Variants in HEATR6 observed in about 807,000 individuals in gnomAD.
HEATR6 encodes the protein HEAT repeat containing 6.
A neutral mutation model predicts 132.8 loss-of-function variants in HEATR6; 106 were observed. The ratio of observed to expected loss-of-function variants is 0.80; its 90% CI spans 0.68 to 0.94. The LOEUF is 0.94. Among genes scored for constraint, HEATR6 ranks in the 40% least tolerant of loss-of-function variants. The pLI is 0.00. For missense variants in HEATR6, 1,339 were observed against 1,425.1 expected, an observed-to-expected ratio of 0.94 and a Z score of 0.97; for synonymous variants, 529 against 537.8, an observed-to-expected ratio of 0.98 and a Z score of 0.23.
intron 9 of HEATR6, among the ~76,000 whole-genome samples, chr17:60,065,972 A>G (rs2083238205): frequency 6.6e-6 from 1 of 152,262 alleles, no homozygotes; most frequent in African/African-American, 2.4e-5. Context: ...GTTAGAATTC[A>G]GTGTGCTCAG....
chr17:60,072,296 G>T lies in HEATR6; in HGVS notation c.618C>A (p.Tyr206Ter). ...VPGQPYLEEPYQNVCFQAFLT... is the reference protein window; with the variant it reads ...VPGQPYLEEP ...GAAAAGCTTGGAAACAGACATTTTG[G>T]TAGGGCTCCTCCAAATACGGCTGTC... Residue 206 changes from tyrosine (Y) to a stop codon, truncating the protein, a stop_gained, in exon 5 of 20, where the codon TAC (tyrosine) becomes TAA (stop). Transcript: ENST00000184956. LOFTEE classifies it high-confidence loss of function. 6.2e-7 allele frequency: 1 copy of T among 1,610,934 alleles called. No individual in the cohort carries two copies. Among genetic ancestry groups the T allele is most frequent in the Non-Finnish European group, 8.5e-7 (1 of 1,177,830 alleles).
intron 3 of HEATR6, 57 bp from the exon 4 acceptor site, chr17:60,073,336 T>C (rs1453539649): frequency 1.0e-6 from 1 of 1,003,814 alleles, no homozygotes; most frequent in African/African-American, 1.6e-5. Context: ...AAATATTATG[T>C]TTTAGACAGA....
At chr17:60,047,021 A>ATT (rs753671987) in intron 18 of HEATR6, among the ~76,000 whole-genome samples, 2 of 146,958 alleles carry the variant, frequency 1.4e-5, no homozygotes, top group Non-Finnish European at 1.5e-5. Context: ...TGACTTGTCA[A>ATT]TTTTTTTTTT....
chr17:60,061,381 C>T (rs1352994124), intron 9 of HEATR6, among the ~76,000 whole-genome samples: 2 of 152,082 alleles, frequency 1.3e-5, no homozygotes, highest in African/African-American at 4.8e-5. Flanking sequence ...AGCATAATCC[C>T]CTAAGGTGGG....
intron 4 of HEATR6, among the ~76,000 whole-genome samples, 156 bp downstream of exon 4, chr17:60,073,005 AAAC>A (rs2083277480): frequency 6.6e-6 from 1 of 152,232 alleles, no homozygotes; most frequent in Admixed American, 6.5e-5. Context: ...TAAAATTAAC[AAAC>A]AACATAAGAT....
chr17:60,046,006 T>G lies in HEATR6; in HGVS notation c.2974+19A>C. On this transcript the variant is annotated intron_variant, in intron 19 of 19. Coordinates refer to ENST00000184956, the MANE Select transcript of HEATR6 (RefSeq NM_022070.5). Reference sequence around the variant, plus strand: ...TCCCAAGAGGCTTTCCACCAGGGAGTGAAGGGAAACTTTCTTACCTAAAGG... The same window carrying G: ...TCCCAAGAGGCTTTCCACCAGGGAGGGAAGGGAAACTTTCTTACCTAAAGG... 6.3e-7 allele frequency: 1 copy of G among 1,580,358 alleles called. No individual in the cohort carries two copies.
At chr17:60,071,381 T>C (rs1428936918) in intron 5 of HEATR6, among the ~76,000 whole-genome samples, 1 of 152,166 alleles carries the variant, frequency 6.6e-6, no homozygotes, top group Non-Finnish European at 1.5e-5. Flanking sequence ...ACTTCAATTT[T>C]GATGATTATG....
rs959778039 is a variant in HEATR6, at chr17:60,042,934, G to C, written c.*629C>G. 1 of 99,638 alleles carries C rather than the reference G, an allele frequency of 1.0e-5. No homozygotes were observed. Among genetic ancestry groups the C allele is most frequent in the Non-Finnish European group, 1.8e-5 (1 of 55,540 alleles). The allele number at this position is 99,638 out of a possible 1,614,324, so 6.2% of individuals were successfully genotyped here. A position where few individuals can be genotyped will look rare whatever the true frequency, so the allele number is the denominator to read the frequency against. ...CGGTCCTGTGCGGCTGTGAGGCACC[G>C]TCAGCATCCTCGCGTCCTGTGTGGC... On this transcript the variant is annotated 3_prime_UTR_variant, in exon 20 of 20. Coordinates refer to ENST00000184956, the MANE Select transcript of HEATR6 (RefSeq NM_022070.5).
intron 12 of HEATR6, among the ~76,000 whole-genome samples, 170 bp from the exon 13 acceptor site, chr17:60,056,407 T>C (rs920369347): frequency 1.3e-5 from 2 of 152,250 alleles, no homozygotes; most frequent in Admixed American, 1.3e-4. Flanking sequence ...ATAAACTGTA[T>C]CATAGTTTTA....
rs1325352017 is a variant in HEATR6, at chr17:60,059,536, AAGT to A, written c.1624-18_1624-16del. 2 of 1,558,208 alleles carry A rather than the reference AAGT, an allele frequency of 1.3e-6. No individual in the cohort carries two copies. Among genetic ancestry groups the A allele is most frequent in the Non-Finnish European group, 1.8e-6 (2 of 1,134,112 alleles). On this transcript the variant is annotated splice_polypyrimidine_tract_variant and intron_variant, in intron 10 of 19. Coordinates refer to ENST00000184956, the MANE Select transcript of HEATR6 (RefSeq NM_022070.5). ...TTTGCAAGGCACTGTAAAACACAAA[AAGT>A]AGCTCATCAAAAGGCTTGATTAAAC...
rs1381587361 is a variant in HEATR6, at chr17:60,044,028, C to A, written c.3081G>T (p.Pro1027=). The A allele has an allele frequency of 1.2e-6, 2 of 1,614,176 alleles. No individual in the cohort carries two copies. Among genetic ancestry groups the A allele is most frequent in the Non-Finnish European group, 1.7e-6 (2 of 1,180,038 alleles). ...CAGACCCGTACTGCTCTCTCTTCCC[C>A]GGGACGGAAAGGGCAGCTGCAGATC... ...RIRSAAALSV[P]GKREQYGSVD... is the part of the protein sequence containing the mutation. The change falls in exon 20 of 20, where the codon CCG becomes CCT. Residue 1027 remains proline, a synonymous_variant. Transcript: ENST00000184956.
chr17:60,076,117 C>T lies in HEATR6; in HGVS notation c.327+13G>A, dbSNP rs764133318. The T allele has an allele frequency of 9.8e-6, 14 of 1,427,014 alleles. No individual in the cohort carries two copies. The South Asian group carries it at 1.3e-4, about 13-fold the overall frequency. 88.4% of individuals were successfully genotyped at this position (1,427,014 alleles called of 1,614,324 possible). ...GTTCATGATCTGAATTCTAGAGTTA[C>T]ATACATGATTACCTGTAATCTGTTA... On this transcript the variant is annotated intron_variant, in intron 2 of 19. Transcript: ENST00000184956.
intron 9 of HEATR6, chr17:60,064,616 T>C (rs536910021): frequency 1.3e-5 from 2 of 152,218 alleles, no homozygotes; most frequent in East Asian, 3.9e-4. Context: ...AGGATTTTCT[T>C]GTGGCTTTTT....
At chr17:60,066,105 T>A in intron 9 of HEATR6, 104 bp downstream of exon 9, 1 of 986,954 alleles carries the variant, frequency 1.0e-6, no homozygotes, top group Non-Finnish European at 1.5e-6. Context: ...GGGTCAGTGT[T>A]ACTAAGAGCT....
At chr17:60,049,454 A>T in intron 16 of HEATR6, 126 bp downstream of exon 16, 1 of 1,072,762 alleles carries the variant, frequency 9.3e-7, no homozygotes, top group Non-Finnish European at 1.3e-6. Flanking sequence ...AGTAGCAATT[A>T]CAGATATCAG....
Position 60,072,259 on chromosome 17 carries a change from G to A in HEATR6, c.655C>T (p.Gln219Ter), listed in dbSNP as rs1228628682. Reference protein sequence around the residue: ...VCFQAFLTILQSPKSSDMDDI... With the variant: ...VCFQAFLTIL ...TCCATATCAGATGATTTTGGAGACTGTAAAATAGTCAGAAAAGCTTGGAAA... is the reference window on the plus strand; with the variant it reads ...TCCATATCAGATGATTTTGGAGACTATAAAATAGTCAGAAAAGCTTGGAAA... The change falls in exon 5 of 20, where the codon CAG (glutamine) becomes TAG (stop). Residue 219 changes from glutamine to a stop codon, truncating the protein, a stop_gained. Transcript: ENST00000184956. LOFTEE classifies it high-confidence loss of function. 2 of 1,609,764 alleles carry A rather than the reference G, an allele frequency of 1.2e-6. No individual in the cohort carries two copies. The highest frequency in any genetic ancestry group is 1.7e-6 in the Non-Finnish European group (2 of 1,177,216).
intron 7 of HEATR6, among the ~76,000 whole-genome samples, chr17:60,069,124 G>C (rs746219568): frequency 2.1e-4 from 32 of 152,224 alleles, no homozygotes; most frequent in Non-Finnish European, 4.3e-4. Context: ...AAAGCACGAG[G>C]GAGATGGCAG....
chr17:60,067,325 C>A, intron 8 of HEATR6, 109 bp downstream of exon 8: 1 of 710,998 alleles, frequency 1.4e-6, no homozygotes, highest in Non-Finnish European at 2.2e-6. Flanking sequence ...CACCATGCCC[C>A]CCAGAAATCA....
chr17:60,042,465 TCGCG>T lies in HEATR6; in HGVS notation c.*1094_*1097del. Among the ~76,000 whole-genome samples the T allele has an allele frequency of 2.6e-5, 1 of 38,132 alleles. No individual in the cohort carries two copies. Among genetic ancestry groups the T allele is most frequent in the Admixed American group, 2.2e-4 (1 of 4,466 alleles). The allele number at this position is 38,132 out of a possible 152,430, so 25.0% of individuals were successfully genotyped here. A position where few individuals can be genotyped will look rare whatever the true frequency, so the allele number is the denominator to read the frequency against. On this transcript the variant is annotated 3_prime_UTR_variant, in exon 20 of 20. Transcript: ENST00000184956. ...CGGCTGTGAGGCACTGTCAGCATCC[TCGCG>T]TCCTGTGCGGCTGTGAGGCACTGTC...
Sources: gnomAD v4.1 joint callset for allele counts (sites outside exome capture counted in the v4.1 genomes callset) on GRCh38, gnomAD v4.1.1 for gene constraint, MANE v1.5 for transcripts, NCBI Gene and HGNC (gene_info 2026-07-23, HGNC 2026-07-21) for gene names.